Variants in KIF15 observed in about 807,000 individuals in gnomAD.
The protein encoded by KIF15 is kinesin family member 15, also known as kinesin-like protein KIF15.
In KIF15, 140 loss-of-function variants were observed where a neutral mutation model predicts 190.6. That is an observed-to-expected ratio of 0.73 (90% CI 0.64 to 0.84). The LOEUF (loss-of-function observed/expected upper bound fraction) is 0.84, where lower values mean the gene tolerates loss of function less well. Among genes scored for constraint, KIF15 ranks in the 40% least tolerant of loss-of-function variants. The probability of loss-of-function intolerance (pLI) is 0.00; values close to 1 mark genes in which losing one functional copy is unlikely to be tolerated. For synonymous variants in KIF15, 528 were observed against 551.3 expected, an observed-to-expected ratio of 0.96 and a Z score of 0.59; for missense variants, 1,372 against 1,584.4, an observed-to-expected ratio of 0.87 and a Z score of 2.28.
At chr3:44,860,182 T>A (rs1699224784) in intron 6 of KIF15, among the ~76,000 whole-genome samples, 1 of 152,098 alleles carries the variant, frequency 6.6e-6, no homozygotes, top group Non-Finnish European at 1.5e-5. Flanking sequence ...TCTAAGAAAA[T>A]TTGCTTTACA....
chr3:44,843,103 A>G, intron 29 of KIF15, 22 bp from the exon 30 acceptor site: 2 of 1,567,794 alleles, frequency 1.3e-6, no homozygotes, highest in Non-Finnish European at 1.7e-6. Flanking sequence ...TTTTTTGAAA[A>G]GATACGATTT....
At chr3:44,867,055 C>A (rs1340167798) in intron 6 of KIF15, among the ~76,000 whole-genome samples, 1 of 152,182 alleles carries the variant, frequency 6.6e-6, no homozygotes, top group South Asian at 2.1e-4. Flanking sequence ...TCCCAGCCAA[C>A]CCGTGAGGGA....
chr3:44,826,383 G>A lies in KIF15; in HGVS notation c.2709G>A (p.Met903Ile), dbSNP rs1454044051. ...CTAATGTTGTCTTTTAGAATTTGAT[G>A]GAGCTTCTTGAGGCAGAAAAAGAAC... ...ETLKSDLNNL[M>I]ELLEAEKERN... The change falls in exon 22 of 35, where the codon ATG becomes ATA. Residue 903 changes from methionine to isoleucine, a missense_variant. By Grantham distance (10) the Met-to-Ile change is conservative. Coordinates refer to ENST00000326047, the MANE Select transcript of KIF15 (RefSeq NM_020242.3). The A allele has an allele frequency of 6.2e-7, 1 of 1,611,432 alleles. No individual in the cohort carries two copies. Among genetic ancestry groups the A allele is most frequent in the South Asian group, 1.1e-5 (1 of 90,242 alleles).
chr3:44,795,576 C>G (rs116418886), intron 8 of KIF15, among the ~76,000 whole-genome samples: 1 of 152,246 alleles, frequency 6.6e-6, no homozygotes, highest in South Asian at 2.1e-4. Context: ...TGACCACTTA[C>G]GCTGTTTAAT....
intron 20 of KIF15, 94 bp from the exon 21 acceptor site, chr3:44,825,945 G>A (rs913563164): frequency 4.1e-5 from 46 of 1,115,680 alleles, no homozygotes; most frequent in Non-Finnish European, 5.9e-5. Context: ...TTGGGAATGG[G>A]CTGTAGATGA....
At position 44,796,957 on chromosome 3, in the gene KIF15, C is replaced by T. The variant is rs1707019390; in HGVS notation, c.850-594C>T. On this transcript the variant is annotated intron_variant, in intron 8 of 34. Transcript: ENST00000326047. ...CTATTTTTTTCTGGTCTTTATAGCT[C>T]GGTTTCAAACTATTACAATCATGAA... is the stretch of plus-strand genomic sequence containing the variant. Among the ~76,000 whole-genome samples, 2 of 151,944 alleles carry T rather than the reference C, an allele frequency of 1.3e-5. 1 individual carries two copies. Among genetic ancestry groups the T allele is most frequent in the South Asian group, 4.2e-4 (2 of 4,806 alleles).
At chr3:44,850,834 A>T (rs1205466131) in intron 32 of KIF15, among the ~76,000 whole-genome samples, 1 of 152,222 alleles carries the variant, frequency 6.6e-6, no homozygotes, top group East Asian at 1.9e-4. Flanking sequence ...GCTAGAAATT[A>T]GCTGGCTTTG....
rs891473460 is a variant in KIF15 at position 44,853,015 on chromosome 3, A to C, written c.*280A>C. 4.6e-5 allele frequency: 11 copies of C among 241,600 alleles called. 1 individual carries two copies. The highest frequency in any genetic ancestry group is 5.6e-5 in the Admixed American group (1 of 17,890). The allele number at this position is 241,600 out of a possible 1,614,324, so 15.0% of individuals were successfully genotyped here. A position where few individuals can be genotyped will look rare whatever the true frequency, so the allele number is the denominator to read the frequency against. The stretch of plus-strand genomic sequence containing the variant: ...TTGTAAAAATAAAAGCCTGTAGCTA[A>C]GGTTTACAGTGGACATTAGCCAGAT... On this transcript the variant is annotated 3_prime_UTR_variant, in exon 35 of 35. Transcript: ENST00000326047.
intron 6 of KIF15, among the ~76,000 whole-genome samples, chr3:44,866,829 C>A (rs1002237232): frequency 1.3e-5 from 2 of 152,172 alleles, no homozygotes; most frequent in Non-Finnish European, 2.9e-5. Flanking sequence ...ATGCTGAGTC[C>A]CCCCAGACAT....
chr3:44,830,928 A>G lies in KIF15; in HGVS notation c.3081A>G (p.Glu1027=). Residue 1027 remains glutamate, a synonymous_variant, in exon 26 of 35, where the codon GAA becomes GAG. Coordinates refer to ENST00000326047, the MANE Select transcript of KIF15 (RefSeq NM_020242.3). ...ACAACTCTGCTTTGGTTGACAGAGA[A>G]GAGAGCAGAGTGTTGATCAAGAAGC... ...CKYNSALVDR[E]ESRVLIKKQE... The G allele has an allele frequency of 6.2e-7, 1 of 1,614,054 alleles. No homozygotes were observed. Among genetic ancestry groups the G allele is most frequent in the Non-Finnish European group, 8.5e-7 (1 of 1,179,972 alleles).
chr3:44,828,369 C>G (rs1017122601), intron 24 of KIF15, 69 bp downstream of exon 24: 5 of 1,091,028 alleles, frequency 4.6e-6, no homozygotes, highest in Non-Finnish European at 7.0e-6. Context: ...ATTTTGTTCT[C>G]CTACCTCTTC....
At chr3:44,787,711 T>C (rs1267404349) in intron 7 of KIF15, among the ~76,000 whole-genome samples, 1 of 152,212 alleles carries the variant, frequency 6.6e-6, no homozygotes, top group Non-Finnish European at 1.5e-5. Context: ...ATGTCTCCTC[T>C]TTTTAGATCT....
At chr3:44,812,077 ATTTGTTTTGT>A (rs1455053780) in intron 17 of KIF15, 95 bp from the exon 18 acceptor site, 1 of 821,606 alleles carries the variant, frequency 1.2e-6, no homozygotes, top group Non-Finnish European at 2.0e-6. Flanking sequence ...GAGGTTTTGA[ATTTGTTTTGT>A]TTTGTTTTGT....
intron 1 of KIF15, among the ~76,000 whole-genome samples, chr3:44,771,129 T>C (rs779504148): frequency 1.1e-4 from 16 of 152,310 alleles, no homozygotes; most frequent in Middle Eastern, 3.4e-3. Flanking sequence ...AGACAACAAT[T>C]GTCTGTGAAT....
chr3:44,781,453 A>G (rs1431668770), intron 5 of KIF15, among the ~76,000 whole-genome samples: 1 of 152,204 alleles, frequency 6.6e-6, no homozygotes, highest in East Asian at 1.9e-4. Context: ...TATACTACAC[A>G]TTTTCCAGTC....
intron 6 of KIF15, chr3:44,861,974 A>G: frequency 7.2e-7 from 1 of 1,387,090 alleles, no homozygotes; most frequent in South Asian, 1.6e-5. Flanking sequence ...GCGACCGCGT[A>G]CCCTGACACC....
chr3:44,782,188 T>C (rs956069938), intron 5 of KIF15, among the ~76,000 whole-genome samples: 17 of 152,144 alleles, frequency 1.1e-4, no homozygotes, highest in Admixed American at 9.8e-4. Flanking sequence ...GTAGCTGGGA[T>C]TGCAGGCATG....
At chr3:44,862,084 G>T in intron 6 of KIF15, 1 of 1,166,518 alleles carries the variant, frequency 8.6e-7, no homozygotes. Flanking sequence ...GGCCCTGGCC[G>T]CCGCCTCCGC....
chr3:44,811,656 A>C (rs979411184), intron 17 of KIF15, among the ~76,000 whole-genome samples: 4 of 152,236 alleles, frequency 2.6e-5, no homozygotes, highest in South Asian at 4.1e-4. Context: ...AAAAAAAAAG[A>C]AAGTTAAAAG....
Sources: allele counts gnomAD v4.1 joint callset (sites outside exome capture counted in the v4.1 genomes callset), GRCh38; gene constraint gnomAD v4.1.1; transcripts MANE v1.5; gene names NCBI Gene and HGNC (gene_info 2026-07-23, HGNC 2026-07-21).